PLXNA2: variants seen among roughly 807,000 people sequenced by gnomAD.
PLXNA2 encodes the protein plexin A2.
PLXNA2 carries 91 observed loss-of-function variants against 193.5 expected under a neutral mutation model. The observed-to-expected ratio is 0.47, with a 90% CI of 0.40 to 0.56. The LOEUF (loss-of-function observed/expected upper bound fraction) is 0.56, where lower values mean the gene tolerates loss of function less well. PLXNA2 is among the 20% of genes least tolerant of loss of function. The pLI, the probability that PLXNA2 is intolerant of heterozygous loss-of-function variation, is 0.00. For synonymous variants in PLXNA2, 997 were observed against 1,027.3 expected (o/e 0.97, Z 0.56); for missense variants, 1,995 against 2,503.2 (o/e 0.80, Z 4.33).
At chr1:208,201,750 G>GA (rs112352005) in intron 3 of PLXNA2, among the ~76,000 whole-genome samples, 52 of 148,724 alleles carry the variant, frequency 3.5e-4, no homozygotes, top group East Asian at 7.8e-4. Context: ...CACTCCACAG[G>GA]AAAAAAAAAA....
intron 4 of PLXNA2, among the ~76,000 whole-genome samples, chr1:208,131,763 A>T (rs192297201): frequency 6.6e-6 from 1 of 152,268 alleles, no homozygotes; most frequent in African/African-American, 2.4e-5. Flanking sequence ...TGCCAGACCG[A>T]CGAGCTTTGG....
chr1:208,085,368 C>T (rs1232684775), intron 9 of PLXNA2, among the ~76,000 whole-genome samples: 1 of 152,332 alleles, frequency 6.6e-6, no homozygotes, highest in South Asian at 2.1e-4. Flanking sequence ...GTGGGAACCA[C>T]CTCCACAGGG....
chr1:208,141,649 C>G (rs1379901753), intron 4 of PLXNA2, among the ~76,000 whole-genome samples: 1 of 152,192 alleles, frequency 6.6e-6, no homozygotes, highest in Non-Finnish European at 1.5e-5. Context: ...CTCTGTCGAT[C>G]TCATGAATCC....
chr1:208,103,292 G>A (rs766457260), intron 4 of PLXNA2, 45 bp from the exon 5 acceptor site: 81 of 1,440,798 alleles, frequency 5.6e-5, no homozygotes, highest in African/African-American at 8.3e-5. Context: ...AGGCTGTGAC[G>A]ACTAGCAGGT....
At chr1:208,032,253 G>C (rs1664526963) in intron 28 of PLXNA2, 1 of 512,312 alleles carries the variant, frequency 2.0e-6, no homozygotes, top group Non-Finnish European at 2.5e-6. Context: ...TGTGGGTGAA[G>C]GGTCTAGACT....
At chr1:208,174,650 G>T (rs557259235) in intron 3 of PLXNA2, among the ~76,000 whole-genome samples, 2 of 152,110 alleles carry the variant, frequency 1.3e-5, no homozygotes. Flanking sequence ...CAATAGGCTG[G>T]TCCATGCACC....
intron 1 of PLXNA2, among the ~76,000 whole-genome samples, chr1:208,233,099 G>A (rs1380955428): frequency 1.3e-5 from 2 of 152,086 alleles, no homozygotes; most frequent in African/African-American, 4.8e-5. Flanking sequence ...TTTCCAGGCT[G>A]GGATAGCTCT....
chr1:208,045,823 G>T, intron 18 of PLXNA2, 55 bp downstream of exon 18: 1 of 1,601,258 alleles, frequency 6.2e-7, no homozygotes, highest in Middle Eastern at 1.7e-4. Context: ...GGAGCGAGGG[G>T]CGCCCTCTGG....
chr1:208,112,462 C>G (rs1009436449), intron 4 of PLXNA2, among the ~76,000 whole-genome samples: 1 of 152,184 alleles, frequency 6.6e-6, no homozygotes, highest in African/African-American at 2.4e-5. Flanking sequence ...ATCCATTTCA[C>G]AAGGTTGTTC....
At chr1:208,051,211 A>G in intron 16 of PLXNA2, 45 bp downstream of exon 16, 1 of 1,596,012 alleles carries the variant, frequency 6.3e-7, no homozygotes, top group Non-Finnish European at 8.6e-7. Flanking sequence ...TGCAGGGATC[A>G]TGCTGGGTGG....
intron 1 of PLXNA2, among the ~76,000 whole-genome samples, chr1:208,242,953 C>G (rs942703492): frequency 6.6e-6 from 1 of 152,180 alleles, no homozygotes; most frequent in Non-Finnish European, 1.5e-5. Context: ...GGACCCTAAG[C>G]AAACTCCCAT....
intron 4 of PLXNA2, among the ~76,000 whole-genome samples, chr1:208,118,433 G>T (rs973639034): frequency 6.6e-6 from 1 of 152,220 alleles, no homozygotes; most frequent in Admixed American, 6.5e-5. Flanking sequence ...ATGGTTAAAT[G>T]TGACAACTGA....
At chr1:208,189,588 G>A (rs1670113503) in intron 3 of PLXNA2, among the ~76,000 whole-genome samples, 1 of 151,844 alleles carries the variant, frequency 6.6e-6, no homozygotes, top group Non-Finnish European at 1.5e-5. Flanking sequence ...TTCCCTCTTT[G>A]CCAAGTACTG....
rs368622282 is a variant in PLXNA2 at position 208,209,172 on chromosome 1, C to T, written c.1371+1108G>A. Among the ~76,000 whole-genome samples the T allele has an allele frequency of 1.1e-4, 16 of 152,250 alleles. No individual in the cohort carries two copies. The East Asian group carries it at 1.4e-3, about 13-fold the overall frequency. On this transcript the variant is annotated intron_variant, in intron 3 of 31. Coordinates refer to ENST00000367033, the MANE Select transcript of PLXNA2 (RefSeq NM_025179.4). ...TTAAATATCTTTGGTATCATGAGAA[C>T]CAGAAGAAGCCTGGAGGGTTTAGCA...
chr1:208,040,156 C>G, intron 22 of PLXNA2, 98 bp from the exon 23 acceptor site: 1 of 953,548 alleles, frequency 1.0e-6, no homozygotes, highest in Admixed American at 1.9e-5. Context: ...AACAATGGAG[C>G]ATGGGAGAAC....
chr1:208,129,244 C>T (rs895239), intron 4 of PLXNA2, among the ~76,000 whole-genome samples: 81,219 of 152,016 alleles, frequency 0.53, 22,012 homozygotes, highest in Non-Finnish European at 0.55. Flanking sequence ...AAGGTTACAA[C>T]GGGCTTCAGC....
intron 1 of PLXNA2, among the ~76,000 whole-genome samples, chr1:208,242,944 G>A (rs1255382316): frequency 3.3e-5 from 5 of 152,170 alleles, no homozygotes; most frequent in African/African-American, 9.7e-5. Context: ...GAGCCTCTGG[G>A]ACCCTAAGCA....
chr1:208,236,001 T>G lies in PLXNA2; in HGVS notation c.-81+7642A>C, dbSNP rs79496178. Among the ~76,000 whole-genome samples the G allele has an allele frequency of 0.057, 8,708 of 152,244 alleles. 368 individuals are homozygous for G. Among genetic ancestry groups the G allele is most frequent in the East Asian group, 0.13 (685 of 5,174 alleles). On this transcript the variant is annotated intron_variant, in intron 1 of 31. Coordinates refer to ENST00000367033, the MANE Select transcript of PLXNA2 (RefSeq NM_025179.4). The surrounding 1 kb of genome is among the most constrained non-coding windows in gnomAD (Gnocchi z 4.4). ...AGTGAAGGGACTTGTTAGAAAGTTT[T>G]AAGCAGCTGGAGTCAGGGTGGGGCA...
At chr1:208,164,845 CTT>C (rs1385084152) in intron 3 of PLXNA2, among the ~76,000 whole-genome samples, 2 of 152,198 alleles carry the variant, frequency 1.3e-5, no homozygotes. Flanking sequence ...AACGGATTCT[CTT>C]ATCTCGCCGG....
Sources: gnomAD v4.1 joint callset for allele counts (sites outside exome capture counted in the v4.1 genomes callset) on GRCh38, gnomAD v4.1.1 for gene constraint, Gnocchi (gnomAD v3.1) non-coding constraint, MANE v1.5 for transcripts, NCBI Gene and HGNC (gene_info 2026-07-23, HGNC 2026-07-21) for gene names.